Variants in ASAP1 observed in about 807,000 individuals in gnomAD.
ASAP1 encodes arf-GAP with SH3 domain, ANK repeat and PH domain-containing protein 1.
In ASAP1, 43 loss-of-function variants were observed where a neutral mutation model predicts 145.2. The observed-to-expected ratio is 0.30, with a 90% CI of 0.23 to 0.38. The LOEUF (loss-of-function observed/expected upper bound fraction) is 0.38. Ranked by LOEUF, ASAP1 falls within the 10% of genes least tolerant of loss-of-function variation. The pLI is 1.00. For missense variants in ASAP1, 1,018 were observed against 1,355.3 expected, an observed-to-expected ratio of 0.75 and a Z score of 3.91; for synonymous variants, 546 against 515.5, an observed-to-expected ratio of 1.06 and a Z score of -0.80.
intron 2 of ASAP1, among the ~76,000 whole-genome samples, chr8:130,397,976 C>T (rs1828610959): frequency 6.6e-6 from 1 of 152,182 alleles, no homozygotes; most frequent in South Asian, 2.1e-4. Flanking sequence ...AAGTAATAAG[C>T]AGTTATCAAT....
At chr8:130,097,126 C>CA (rs61591724) in intron 24 of ASAP1, among the ~76,000 whole-genome samples, 1,560 of 53,510 alleles carry the variant, frequency 0.029, 246 homozygotes, top group Middle Eastern at 0.05. Flanking sequence ...AGTTAGTCTC[C>CA]AAAAAAAAAA....
At chr8:130,222,244 G>C (rs1198750229) in intron 4 of ASAP1, among the ~76,000 whole-genome samples, 1 of 150,714 alleles carries the variant, frequency 6.6e-6, no homozygotes, top group Non-Finnish European at 1.5e-5. Flanking sequence ...TCCCTGAGGG[G>C]TTTATCTAAC....
intron 18 of ASAP1, among the ~76,000 whole-genome samples, chr8:130,121,475 C>A (rs2097565744): frequency 6.6e-6 from 1 of 152,054 alleles, no homozygotes; most frequent in African/African-American, 2.4e-5. Flanking sequence ...TGGTTGAGAA[C>A]CAATATCATA....
chr8:130,347,934 G>C (rs1026261751), intron 3 of ASAP1, among the ~76,000 whole-genome samples: 1 of 152,144 alleles, frequency 6.6e-6, no homozygotes, highest in African/African-American at 2.4e-5. Flanking sequence ...ATTTTGCTGG[G>C]GAAGGGGAAG....
At chr8:130,392,255 G>A (rs1828317368) in intron 2 of ASAP1, among the ~76,000 whole-genome samples, 1 of 152,162 alleles carries the variant, frequency 6.6e-6, no homozygotes, top group South Asian at 2.1e-4. Context: ...ACTCCTAAAG[G>A]GAGACCTGCT....
chr8:130,291,401 G>A (rs1047635767), intron 3 of ASAP1, among the ~76,000 whole-genome samples: 2 of 152,170 alleles, frequency 1.3e-5, no homozygotes, highest in Admixed American at 6.5e-5. Context: ...ATGTCCTTGG[G>A]ACTTACTGTC....
chr8:130,210,360 A>G (rs1816503056), intron 5 of ASAP1, among the ~76,000 whole-genome samples: 1 of 152,212 alleles, frequency 6.6e-6, no homozygotes, highest in South Asian at 2.1e-4. Context: ...AATACATAAT[A>G]CACATGGAAA....
chr8:130,384,631 C>G (rs984163802), intron 2 of ASAP1, among the ~76,000 whole-genome samples: 1 of 152,184 alleles, frequency 6.6e-6, no homozygotes, highest in Non-Finnish European at 1.5e-5. Context: ...CAGGCGCCCG[C>G]CACCATGCCC....
At chr8:130,289,776 T>C (rs1274998547) in intron 3 of ASAP1, among the ~76,000 whole-genome samples, 1 of 152,250 alleles carries the variant, frequency 6.6e-6, no homozygotes, top group African/African-American at 2.4e-5. Flanking sequence ...CATACTTTTG[T>C]AGATTTCAGA....
chr8:130,262,251 C>T (rs1357345749), intron 3 of ASAP1, among the ~76,000 whole-genome samples: 6 of 151,352 alleles, frequency 4.0e-5, no homozygotes, highest in Non-Finnish European at 7.4e-5. Context: ...AAAAACTAGC[C>T]GGGCACGGTG....
intron 4 of ASAP1, among the ~76,000 whole-genome samples, chr8:130,220,123 T>C (rs1211037401): frequency 6.6e-6 from 1 of 152,178 alleles, no homozygotes; most frequent in Non-Finnish European, 1.5e-5. Flanking sequence ...GTGAATCCTT[T>C]CAGTTCAAAC....
chr8:130,437,088 G>C (rs889195187), intron 1 of ASAP1, among the ~76,000 whole-genome samples: 1 of 136,338 alleles, frequency 7.3e-6, no homozygotes, highest in Non-Finnish European at 1.5e-5. Context: ...CTAGGCGACA[G>C]AGCAAGATTT....
chr8:130,344,887 A>G (rs371436020), intron 3 of ASAP1, among the ~76,000 whole-genome samples: 1 of 152,194 alleles, frequency 6.6e-6, no homozygotes. Flanking sequence ...AATGCAAAGT[A>G]TCATGAAATT....
In ASAP1 at chr8:130,134,321, C is replaced by A; in HGVS notation, c.1192G>T (p.Ala398Ser). 1 of 1,583,498 alleles carries A rather than the reference C, an allele frequency of 6.3e-7. No individual in the cohort carries two copies. The highest frequency in any genetic ancestry group is 1.2e-5 in the South Asian group (1 of 84,478). The change falls in exon 15 of 30, where the codon GCA becomes TCA. Residue 398 changes from alanine (A) to serine (S), a missense_variant. This residue lies in a region of ASAP1 where 153 missense variants were observed against 221.6 expected (regional missense o/e 0.69). Coordinates refer to ENST00000518721, the MANE Select transcript of ASAP1 (RefSeq NM_018482.4). Reference sequence around the variant, plus strand: ...GCTACATAATCCTGCTCATCTTCTGCCTGAAAGTGATATGTTCTATTATCT... The same window carrying A: ...GCTACATAATCCTGCTCATCTTCTGACTGAAAGTGATATGTTCTATTATCT... ...ISHNRTYHFQ[A>S]EDEQDYVAWI...
intron 3 of ASAP1, among the ~76,000 whole-genome samples, chr8:130,287,172 C>A (rs1278795365): frequency 1.5e-5 from 2 of 133,254 alleles, no homozygotes; most frequent in African/African-American, 2.6e-5. Context: ...AGTTCAAGGA[C>A]TGAACTTTAC....
intron 9 of ASAP1, among the ~76,000 whole-genome samples, chr8:130,169,326 G>A (rs1813419983): frequency 6.6e-6 from 1 of 152,212 alleles, no homozygotes; most frequent in African/African-American, 2.4e-5. Context: ...AAGGACACTG[G>A]AAATTACAGT....
intron 7 of ASAP1, among the ~76,000 whole-genome samples, 157 bp from the exon 8 acceptor site, chr8:130,181,037 A>G (rs772427001): frequency 4.7e-5 from 7 of 148,286 alleles, no homozygotes; most frequent in Non-Finnish European, 8.9e-5. Context: ...GGGGTCAGTG[A>G]TAACGGGGGA....
intron 3 of ASAP1, among the ~76,000 whole-genome samples, chr8:130,300,766 AT>A (rs1361569659): frequency 1.3e-5 from 2 of 152,188 alleles, no homozygotes; most frequent in Admixed American, 6.5e-5. Context: ...AAACAACTGG[AT>A]TCTTGAAAGC....
chr8:130,296,034 C>T (rs1050728666), intron 3 of ASAP1, among the ~76,000 whole-genome samples: 3 of 152,206 alleles, frequency 2.0e-5, no homozygotes, highest in East Asian at 1.9e-4. Context: ...CTGCCTTGCT[C>T]ACCTCTGAAA....
Sources: gnomAD v4.1 joint callset for allele counts (sites outside exome capture counted in the v4.1 genomes callset) on GRCh38, gnomAD v4.1.1 for gene constraint, gnomAD v4.1.1 regional missense constraint, MANE v1.5 for transcripts, NCBI Gene and HGNC (gene_info 2026-07-23, HGNC 2026-07-21) for gene names.